PRKN: variants seen among roughly 807,000 people sequenced by gnomAD.
The protein encoded by PRKN is E3 ubiquitin-protein ligase parkin.
Under a neutral mutation model 59.5 loss-of-function variants are expected in PRKN, and 56 were observed. That is an observed-to-expected ratio of 0.94 (90% CI 0.76 to 1.18). The LOEUF (loss-of-function observed/expected upper bound fraction) is 1.18, where lower values mean the gene tolerates loss of function less well. Among genes scored for constraint, PRKN ranks in the 50% most tolerant of loss-of-function variants. The probability of loss-of-function intolerance (pLI) is 0.00; values close to 1 mark genes in which losing one functional copy is unlikely to be tolerated. For missense variants in PRKN, 657 were observed against 596.4 expected (o/e 1.10, Z -1.06); for synonymous variants, 250 against 222.1 (o/e 1.13, Z -1.12).
chr6:162,384,651 A>AAAC (rs1554311123), intron 2 of PRKN, among the ~76,000 whole-genome samples: 1 of 143,996 alleles, frequency 6.9e-6, no homozygotes, highest in African/African-American at 2.6e-5. Flanking sequence ...AATTTGTAAA[A>AAAC]AAAAAAAAAA....
intron 1 of PRKN, among the ~76,000 whole-genome samples, chr6:162,498,791 T>C (rs1003379693): frequency 6.6e-6 from 1 of 151,452 alleles, no homozygotes; most frequent in African/African-American, 2.4e-5. Flanking sequence ...GAGAAAGAAA[T>C]TGTATTATTC....
chr6:162,604,594 T>C (rs1463096504), intron 1 of PRKN, among the ~76,000 whole-genome samples: 2 of 152,044 alleles, frequency 1.3e-5, no homozygotes, highest in East Asian at 3.9e-4. Flanking sequence ...TCCATGTTTT[T>C]CCCCCACACT....
At chr6:161,613,093 C>T (rs183032248) in intron 7 of PRKN, among the ~76,000 whole-genome samples, 1 of 152,252 alleles carries the variant, frequency 6.6e-6, no homozygotes, top group East Asian at 1.9e-4. Context: ...TGAAAACCTT[C>T]TGGAAAGGAT....
At chr6:162,394,469 T>C (rs924524950) in intron 2 of PRKN, among the ~76,000 whole-genome samples, 1 of 152,222 alleles carries the variant, frequency 6.6e-6, no homozygotes, top group Non-Finnish European at 1.5e-5. Flanking sequence ...TAGTCACTAC[T>C]ACAAGATAGT....
intron 1 of PRKN, among the ~76,000 whole-genome samples, chr6:162,607,586 A>G (rs1037746333): frequency 1.3e-5 from 2 of 152,058 alleles, no homozygotes; most frequent in Non-Finnish European, 2.9e-5. Context: ...TTAAAAACAC[A>G]TGGAAAACAT....
chr6:162,091,396 C>T (rs1779489880), intron 4 of PRKN, among the ~76,000 whole-genome samples: 1 of 152,174 alleles, frequency 6.6e-6, no homozygotes, highest in African/African-American at 2.4e-5. Flanking sequence ...GGCTTTTAAA[C>T]ACTTAAGCTG....
At chr6:162,719,894 C>CAAAAA (rs56395129) in intron 1 of PRKN, among the ~76,000 whole-genome samples, 5 of 144,042 alleles carry the variant, frequency 3.5e-5, no homozygotes, top group Non-Finnish European at 7.7e-5. Flanking sequence ...AGGTAGATGT[C>CAAAAA]AAAAAAAAAA....
At position 161,552,579 on chromosome 6, in the gene PRKN, A is replaced by C. The variant is rs1780068598; in HGVS notation, c.934-3576T>G. On this transcript the variant is annotated intron_variant, in intron 8 of 11. Coordinates refer to ENST00000366898, the MANE Select transcript of PRKN (RefSeq NM_004562.3). This position sits in a 1 kb window ranked among gnomAD's most constrained non-coding sequence, Gnocchi z 4.9. ...CTGTCCAAATCCTTCCACATTGAAA[A>C]AAAACAAAAACAAAAAACAAAAAAC... is the stretch of plus-strand genomic sequence containing the variant. Among the ~76,000 whole-genome samples the C allele has an allele frequency of 6.8e-6, 1 of 147,416 alleles. No individual in the cohort carries two copies. The highest frequency in any genetic ancestry group is 2.7e-5 in the African/African-American group (1 of 37,130).
intron 6 of PRKN, among the ~76,000 whole-genome samples, chr6:161,927,618 A>G (rs1779015483): frequency 6.6e-6 from 1 of 152,192 alleles, no homozygotes; most frequent in Admixed American, 6.5e-5. Context: ...AAATCAATCT[A>G]AACAATAATT....
At chr6:162,032,196 A>T (rs914834150) in intron 5 of PRKN, among the ~76,000 whole-genome samples, 8 of 152,160 alleles carry the variant, frequency 5.3e-5, no homozygotes, top group Admixed American at 1.3e-4. Context: ...CTCCCCTTAC[A>T]ATATCCATCA....
intron 8 of PRKN, among the ~76,000 whole-genome samples, chr6:161,555,871 GATAATC>G (rs1780219689): frequency 6.6e-6 from 1 of 152,092 alleles, no homozygotes; most frequent in Admixed American, 6.5e-5. Context: ...ATTCTAATAA[GATAATC>G]AATAGCAATG....
At chr6:162,231,252 GA>G (rs1280011584) in intron 3 of PRKN, among the ~76,000 whole-genome samples, 4 of 152,050 alleles carry the variant, frequency 2.6e-5, no homozygotes, top group Non-Finnish European at 5.9e-5. Context: ...CATGTAAACT[GA>G]AATACTAACA....
chr6:162,338,781 G>A (rs1249081034), intron 2 of PRKN, among the ~76,000 whole-genome samples: 27 of 151,050 alleles, frequency 1.8e-4, no homozygotes, highest in Non-Finnish European at 2.5e-4. Context: ...GTCTCCGCCC[G>A]GCCGCCATCC....
chr6:161,508,062 C>T (rs1380126558), intron 9 of PRKN, among the ~76,000 whole-genome samples: 3 of 152,158 alleles, frequency 2.0e-5, no homozygotes, highest in Admixed American at 2.0e-4. Context: ...AAGTATCGCA[C>T]ACGTTAGGCA....
intron 1 of PRKN, among the ~76,000 whole-genome samples, chr6:162,526,016 T>C (rs1039421828): frequency 7.2e-5 from 11 of 152,064 alleles, no homozygotes; most frequent in Non-Finnish European, 1.6e-4. Flanking sequence ...CTAATTTTTA[T>C]ATTTCTTGTA....
chr6:162,537,634 A>G (rs1778773200), intron 1 of PRKN, among the ~76,000 whole-genome samples: 1 of 152,024 alleles, frequency 6.6e-6, no homozygotes, highest in Non-Finnish European at 1.5e-5. Context: ...CCTTTCTGGG[A>G]CCCTATATTG....
chr6:162,568,865 GTGTACAGAGA>G, intron 1 of PRKN: 1 of 712,644 alleles, frequency 1.4e-6, no homozygotes, highest in South Asian at 1.4e-5. Context: ...AGATCAATAA[GTGTACAGAGA>G]TGGAGAATGA....
rs922463289 is a variant in PRKN at position 161,588,610 on chromosome 6, G to A, written c.872-19194C>T. Among the ~76,000 whole-genome samples the A allele has an allele frequency of 1.3e-5, 2 of 151,966 alleles. No individual in the cohort carries two copies. Among genetic ancestry groups the A allele is most frequent in the Admixed American group, 6.6e-5 (1 of 15,242 alleles). Reference sequence around the variant, plus strand: ...ACTGGGAGGTGGGGCTGGACCTCTCGGTGCATACCGTAAAGCCCCATGATA... The same window carrying A: ...ACTGGGAGGTGGGGCTGGACCTCTCAGTGCATACCGTAAAGCCCCATGATA... On this transcript the variant is annotated intron_variant, in intron 7 of 11. Transcript: ENST00000366898. The surrounding 1 kb of genome is among the most constrained non-coding windows in gnomAD (Gnocchi z 5.0).
chr6:162,170,352 G>T lies in PRKN; in HGVS notation c.534+30779C>A, dbSNP rs143520457. ...CCCACAGGCACTAATTAAAAAGCAG[G>T]AAGTTCACTTGAGCAGCATTTTTCT... On this transcript the variant is annotated intron_variant, in intron 4 of 11. Coordinates refer to ENST00000366898, the MANE Select transcript of PRKN (RefSeq NM_004562.3). 2.1e-3 allele frequency among the ~76,000 whole-genome samples: 325 copies of T among 152,262 alleles called. 1 individual carries two copies. Among genetic ancestry groups the T allele is most frequent in the African/African-American group, 7.5e-3 (310 of 41,542 alleles).
Sources: allele counts gnomAD v4.1 joint callset (sites outside exome capture counted in the v4.1 genomes callset), GRCh38; gene constraint gnomAD v4.1.1; non-coding constraint Gnocchi (gnomAD v3.1); transcripts MANE v1.5; gene names NCBI Gene and HGNC (gene_info 2026-07-23, HGNC 2026-07-21).